NREP: variants seen among roughly 807,000 people sequenced by gnomAD.
The protein encoded by NREP is neuronal regeneration related protein.
Under a neutral mutation model 8.6 loss-of-function variants are expected in NREP, and 5 were observed. The ratio of observed to expected loss-of-function variants is 0.58; its 90% confidence interval spans 0.30 to 1.22. The LOEUF (loss-of-function observed/expected upper bound fraction) is 1.22. NREP is among the 50% of genes most tolerant of loss of function. The pLI is 0.07. For synonymous variants in NREP, 27 were observed against 28.0 expected (o/e 0.96, Z 0.11); for missense variants, 86 against 82.5 (o/e 1.04, Z -0.17).
At chr5:111,737,601 C>G (rs1389941268) in intron 2 of NREP, among the ~76,000 whole-genome samples, 1 of 151,864 alleles carries the variant, frequency 6.6e-6, no homozygotes, top group Non-Finnish European at 1.5e-5. Context: ...CATTTAACTT[C>G]TAAGCATCAT....
chr5:111,959,250 A>C (rs1756416658), intron 2 of NREP, among the ~76,000 whole-genome samples: 2 of 151,996 alleles, frequency 1.3e-5, no homozygotes, highest in South Asian at 2.1e-4. Flanking sequence ...ACTTATGTAC[A>C]TTTTTAAGTA....
At chr5:111,912,465 T>C (rs1754940424) in intron 2 of NREP, 1 of 152,110 alleles carries the variant, frequency 6.6e-6, no homozygotes, top group South Asian at 2.1e-4. Flanking sequence ...GCTTGAGTCA[T>C]AATCTATTCT....
In NREP at chr5:111,730,548, G is replaced by GGGA. The variant is rs1554093392; in HGVS notation, c.*372_*373insTCC. 7.6e-5 allele frequency: 13 copies of GGGA among 170,102 alleles called. No individual in the cohort carries two copies. Among genetic ancestry groups the GGGA allele is most frequent in the South Asian group, 1.9e-4 (1 of 5,384 alleles). The allele number at this position is 170,102 out of a possible 1,614,324, so 10.5% of individuals were successfully genotyped here. A position where few individuals can be genotyped will look rare whatever the true frequency, so the allele number is the denominator to read the frequency against. On this transcript the variant is annotated 3_prime_UTR_variant, in exon 4 of 4. Transcript: ENST00000257435. ...TAAATGAAAAAAAAGGTGGGGGGGG[G>GGGA]ACTCTCAGCCTCTGCAAGAAGCAGT...
At chr5:111,807,932 TAAC>T (rs34971968) in intron 2 of NREP, among the ~76,000 whole-genome samples, 51,268 of 151,522 alleles carry the variant, frequency 0.34, 9,117 homozygotes, top group East Asian at 0.61. Context: ...ACAACAACAA[TAAC>T]AACAACAACA....
intron 2 of NREP, among the ~76,000 whole-genome samples, chr5:111,881,878 GA>G: frequency 6.6e-6 from 1 of 152,032 alleles, no homozygotes; most frequent in South Asian, 2.1e-4. Context: ...ACAAAGATGG[GA>G]AAAAACAGAG....
chr5:111,903,643 A>C (rs1754704726), intron 2 of NREP, among the ~76,000 whole-genome samples: 1 of 152,104 alleles, frequency 6.6e-6, no homozygotes, highest in Non-Finnish European at 1.5e-5. Context: ...TTTTAGGGTG[A>C]TGGTAATTGT....
chr5:111,965,069 C>G (rs956825943), intron 2 of NREP, among the ~76,000 whole-genome samples: 1 of 152,040 alleles, frequency 6.6e-6, no homozygotes, highest in Non-Finnish European at 1.5e-5. Flanking sequence ...TAGGGTCTCT[C>G]TCACTTTGCT....
intron 2 of NREP, among the ~76,000 whole-genome samples, chr5:111,764,040 C>T (rs992989293): frequency 6.6e-6 from 1 of 152,154 alleles, no homozygotes; most frequent in Non-Finnish European, 1.5e-5. Context: ...TGATATGATG[C>T]CATGGTTAAA....
At chr5:111,968,303 G>A (rs1381986721) in intron 2 of NREP, among the ~76,000 whole-genome samples, 1 of 151,892 alleles carries the variant, frequency 6.6e-6, no homozygotes, top group African/African-American at 2.4e-5. Flanking sequence ...TATGAAAATT[G>A]GATTTACATT....
chr5:111,902,851 T>C (rs1164021254), intron 2 of NREP, among the ~76,000 whole-genome samples: 3 of 152,090 alleles, frequency 2.0e-5, no homozygotes, highest in Admixed American at 1.3e-4. Flanking sequence ...TGACTTGTTT[T>C]TGTTTCCTAA....
intron 2 of NREP, among the ~76,000 whole-genome samples, chr5:111,804,857 C>T (rs1469585243): frequency 2.0e-5 from 3 of 152,036 alleles, no homozygotes; most frequent in East Asian, 3.9e-4. Context: ...AAAAATTAGA[C>T]GGGTTTGGTG....
At chr5:111,940,428 G>A (rs540448716) in intron 2 of NREP, among the ~76,000 whole-genome samples, 3 of 152,124 alleles carry the variant, frequency 2.0e-5, no homozygotes, top group South Asian at 2.1e-4. Flanking sequence ...ACATGAAGTC[G>A]TACTGGCAAG....
chr5:111,961,800 A>G (rs533073852), intron 2 of NREP, among the ~76,000 whole-genome samples: 7 of 152,346 alleles, frequency 4.6e-5, no homozygotes, highest in African/African-American at 1.7e-4. Context: ...AAGCAACAAC[A>G]TAAACACATG....
At position 111,792,451 on chromosome 5, in the gene NREP, T is replaced by TA. The variant is rs561968777; in HGVS notation, c.136-56945dup. Among the ~76,000 whole-genome samples, 115 of 152,320 alleles carry TA rather than the reference T, an allele frequency of 7.5e-4. 2 individuals carry two copies. Among genetic ancestry groups the TA allele is most frequent in the African/African-American group, 2.7e-3 (111 of 41,574 alleles). The stretch of plus-strand genomic sequence containing the variant: ...TCAACATATTAAAAGAAAATAATTG[T>TA]AAAGATTGTGTAGCTTAAACTTGGA... On this transcript the variant is annotated intron_variant, in intron 2 of 3. Coordinates refer to the NREP transcript ENST00000395634.
intron 2 of NREP, among the ~76,000 whole-genome samples, chr5:111,771,291 T>G (rs943703000): frequency 6.6e-6 from 1 of 152,150 alleles, no homozygotes; most frequent in Non-Finnish European, 1.5e-5. Context: ...ATTCTTTGAG[T>G]TAGGCATTCG....
intron 2 of NREP, among the ~76,000 whole-genome samples, chr5:111,858,831 C>T (rs1753482999): frequency 6.6e-6 from 1 of 152,006 alleles, no homozygotes; most frequent in Non-Finnish European, 1.5e-5. Context: ...TAAAATGCTC[C>T]AAACAACCTT....
chr5:111,925,664 A>G (rs955848017), intron 2 of NREP, among the ~76,000 whole-genome samples: 1 of 152,176 alleles, frequency 6.6e-6, no homozygotes, highest in African/African-American at 2.4e-5. Flanking sequence ...AGTATGTTTT[A>G]TTAAGGCCTC....
intron 1 of NREP, among the ~76,000 whole-genome samples, chr5:111,976,440 G>A (rs1213163439): frequency 2.0e-5 from 3 of 152,178 alleles, no homozygotes; most frequent in Non-Finnish European, 2.9e-5. Flanking sequence ...CAGCCTCCTT[G>A]GAAGCAGGAA....
rs1388893191 is a variant in NREP at position 111,787,469 on chromosome 5, T to C, written c.136-51962A>G. 2.0e-5 allele frequency among the ~76,000 whole-genome samples: 3 copies of C among 152,240 alleles called. No individual in the cohort carries two copies. The East Asian group carries it at 5.8e-4, about 29-fold the overall frequency. ...TTGAAATCCAAAAGCAAGCCCATGA[T>C]AGAGTTGGGGATAAGTACTGGAGAA... On this transcript the variant is annotated intron_variant, in intron 2 of 3. Transcript: ENST00000395634.
Sources: allele counts gnomAD v4.1 joint callset (sites outside exome capture counted in the v4.1 genomes callset), GRCh38; gene constraint gnomAD v4.1.1; transcripts MANE v1.5; gene names NCBI Gene and HGNC (gene_info 2026-07-23, HGNC 2026-07-21).